The following INO80C variants were observed in gnomAD, a reference collection of about 807,000 sequenced individuals.
INO80C encodes INO80 complex subunit C.
Under a neutral mutation model 17.7 loss-of-function variants are expected in INO80C, and 17 were observed. That is an observed-to-expected ratio of 0.96 (90% confidence interval 0.66 to 1.44). INO80C has a LOEUF of 1.44. Ranked by LOEUF, INO80C falls within the 40% of genes most tolerant of loss-of-function variation. INO80C has a pLI of 0.00. For missense variants in INO80C, 244 were observed against 245.0 expected, an observed-to-expected ratio of 1.00 and a Z score of 0.03; for synonymous variants, 96 against 95.8, an observed-to-expected ratio of 1.00 and a Z score of -0.01.
rs772952892 is a variant in INO80C at position 35,468,700 on chromosome 18, T to A, written c.490A>T (p.Ile164Phe). The A allele has an allele frequency of 6.2e-7, 1 of 1,614,126 alleles. No individual in the cohort carries two copies. Among genetic ancestry groups the A allele is most frequent in the Non-Finnish European group, 8.5e-7 (1 of 1,180,000 alleles). Residue 164 changes from isoleucine (I) to phenylalanine (F), a missense_variant, in exon 5 of 5, where the codon ATT becomes TTT. Physicochemically the swap from Ile to Phe is conservative, Grantham distance 21. Transcript: ENST00000334598. ...CTCCGAATGTAGGAAAACTCTTCAA[T>A]GGTGCTGAACCGCAGTTTGCTCTGG... Reference protein sequence around the residue: ...DPQSKLRFSTIEEFSYIRRLP... With the variant: ...DPQSKLRFSTFEEFSYIRRLP...
rs751429076 is a variant in INO80C at position 35,497,713 on chromosome 18, G to A, written c.156+6C>T. 19 of 1,610,428 alleles carry A rather than the reference G, an allele frequency of 1.2e-5. No individual in the cohort carries two copies. In the Admixed American group the frequency reaches 3.2e-4, roughly 27 times the overall value. ...GCACGCGCAGCCTGGGAGCGCGACT[G>A]CGTACCTGCGCAAAGCTGGAAGCGG... On this transcript the variant is annotated splice_donor_region_variant and intron_variant, in intron 1 of 4. Transcript: ENST00000334598.
In INO80C at chr18:35,488,887, A is replaced by G. The variant is rs141302182; in HGVS notation, c.157-8324T>C. On this transcript the variant is annotated intron_variant, in intron 1 of 4. Transcript: ENST00000334598. ...GCTGCTTAGAAATTTCTTCTGCCAG[A>G]TACCCGAAATCATCTCCCTCAAGTT... Among the ~76,000 whole-genome samples, 1,165 of 152,284 alleles carry G rather than the reference A, an allele frequency of 7.7e-3. 8 individuals are homozygous for G. Among genetic ancestry groups the G allele is most frequent in the African/African-American group, 0.027 (1,129 of 41,538 alleles).
chr18:35,491,871 C>T (rs993814322), intron 1 of INO80C, among the ~76,000 whole-genome samples: 6 of 152,196 alleles, frequency 3.9e-5, no homozygotes, highest in African/African-American at 7.2e-5. Context: ...CACTAAGGGG[C>T]GCCCCCTCTT....
chr18:35,487,575 T>C (rs566073004), intron 1 of INO80C: 69 of 161,310 alleles, frequency 4.3e-4, no homozygotes, highest in Admixed American at 1.6e-3. Context: ...GATTCAATTA[T>C]ATCCCACCGG....
intron 4 of INO80C, among the ~76,000 whole-genome samples, chr18:35,471,980 A>AT (rs1304957179): frequency 1.4e-4 from 22 of 152,052 alleles, no homozygotes; most frequent in African/African-American, 5.3e-4. Context: ...TATGTGCCAC[A>AT]TTTTCTTAAT....
At chr18:35,488,802 C>G (rs2045904205) in intron 1 of INO80C, among the ~76,000 whole-genome samples, 1 of 152,190 alleles carries the variant, frequency 6.6e-6, no homozygotes, top group African/African-American at 2.4e-5. Context: ...CTTTTATGCT[C>G]TGTTTCCCTT....
rs570044184 is a variant in INO80C, at chr18:35,489,417, G to A, written c.156+8302C>T. ...TGGCAGCAGGCAAGAGAGAGAATGA[G>A]AACCAAGTGAAAGGGGTTTCCCATT... On this transcript the variant is annotated intron_variant, in intron 1 of 4. Coordinates refer to ENST00000334598, the MANE Select transcript of INO80C (RefSeq NM_194281.4). 6.0e-4 allele frequency: 124 copies of A among 205,830 alleles called. 2 individuals carry two copies. In the South Asian group the frequency reaches 6.4e-3, roughly 11 times the overall value. The allele number at this position is 205,830 out of a possible 1,614,324, so 12.8% of individuals were successfully genotyped here.
intron 4 of INO80C, among the ~76,000 whole-genome samples, chr18:35,474,680 C>G (rs2045713864): frequency 6.6e-6 from 1 of 152,064 alleles, no homozygotes; most frequent in African/African-American, 2.4e-5. Flanking sequence ...GAGCAAGACT[C>G]TATCTCTAAA....
chr18:35,489,832 G>A (rs2045916038), intron 1 of INO80C, among the ~76,000 whole-genome samples: 1 of 152,114 alleles, frequency 6.6e-6, no homozygotes, highest in Non-Finnish European at 1.5e-5. Context: ...CTCCTCTCCA[G>A]GGCCTCTGCA....
chr18:35,483,872 GC>G (rs1172540855), intron 1 of INO80C, among the ~76,000 whole-genome samples: 2 of 152,274 alleles, frequency 1.3e-5, no homozygotes, highest in East Asian at 3.9e-4. Flanking sequence ...TCTGAGTATA[GC>G]TTTTTGTAGA....
chr18:35,479,598 G>C (rs1432973341), intron 2 of INO80C, among the ~76,000 whole-genome samples, 187 bp from the exon 3 acceptor site: 1 of 151,874 alleles, frequency 6.6e-6, no homozygotes, highest in African/African-American at 2.4e-5. Flanking sequence ...GTTTAAAAAA[G>C]AAGTTTTCAG....
Position 35,478,279 on chromosome 18 carries a change from C to A in INO80C, c.447+3G>T. The A allele has an allele frequency of 1.3e-6, 2 of 1,589,964 alleles. No individual in the cohort carries two copies. The highest frequency in any genetic ancestry group is 1.7e-6 in the Non-Finnish European group (2 of 1,161,204). On this transcript the variant is annotated splice_donor_region_variant and intron_variant, in intron 4 of 4. Transcript: ENST00000334598. ...ATGTTATAAGAGATATAATCATACTCACAAGCAGACCTGAAACATCAGAAT... is the reference window on the plus strand; with the variant it reads ...ATGTTATAAGAGATATAATCATACTAACAAGCAGACCTGAAACATCAGAAT...
rs1209344278 is a variant in INO80C, at chr18:35,497,716, T to C, written c.156+3A>G. ...CGCGCAGCCTGGGAGCGCGACTGCG[T>C]ACCTGCGCAAAGCTGGAAGCGGACG... On this transcript the variant is annotated splice_donor_region_variant and intron_variant, in intron 1 of 4. Coordinates refer to ENST00000334598, the MANE Select transcript of INO80C (RefSeq NM_194281.4). The C allele has an allele frequency of 1.9e-6, 3 of 1,610,984 alleles. No homozygotes were observed. Among genetic ancestry groups the C allele is most frequent in the South Asian group, 2.2e-5 (2 of 90,924 alleles).
chr18:35,496,536 A>G lies in INO80C; in HGVS notation c.156+1183T>C, dbSNP rs1240032466. Among the ~76,000 whole-genome samples the G allele has an allele frequency of 3.3e-5, 5 of 152,192 alleles. No individual in the cohort carries two copies. In the East Asian group the frequency reaches 9.6e-4, roughly 29 times the overall value. On this transcript the variant is annotated intron_variant, in intron 1 of 4. Coordinates refer to ENST00000334598, the MANE Select transcript of INO80C (RefSeq NM_194281.4). ...GTGGCCATAGGTGTATACAAATGTA[A>G]AAGGGCACTGGATCTGTAGTTTTGT...
intron 4 of INO80C, among the ~76,000 whole-genome samples, chr18:35,474,700 A>G (rs772967980): frequency 2.6e-5 from 4 of 152,168 alleles, no homozygotes; most frequent in Non-Finnish European, 4.4e-5. Context: ...ATAAATAAAT[A>G]ATTTAAAAGA....
intron 1 of INO80C, among the ~76,000 whole-genome samples, chr18:35,484,977 G>A (rs2045855487): frequency 2.0e-5 from 3 of 152,104 alleles, no homozygotes; most frequent in Admixed American, 2.0e-4. Context: ...TCCAGTTCTG[G>A]AGGCTAGAAG....
intron 1 of INO80C, among the ~76,000 whole-genome samples, chr18:35,490,620 G>A (rs1598749659): frequency 6.6e-6 from 1 of 152,304 alleles, no homozygotes; most frequent in African/African-American, 2.4e-5. Flanking sequence ...AAGGGAAAAT[G>A]CAGTCCCCAA....
chr18:35,497,598 T>C (rs1411482339), intron 1 of INO80C, 121 bp downstream of exon 1: 4 of 1,439,762 alleles, frequency 2.8e-6, no homozygotes, highest in Admixed American at 2.9e-5. Flanking sequence ...GCAGCGTCTT[T>C]CAACCCCAAC....
intron 4 of INO80C, among the ~76,000 whole-genome samples, chr18:35,472,183 C>T (rs2045678796): frequency 6.6e-6 from 1 of 152,242 alleles, no homozygotes; most frequent in Non-Finnish European, 1.5e-5. Flanking sequence ...GCCACACTGT[C>T]TTCCACAGCA....
Sources: gnomAD v4.1 joint callset for allele counts (sites outside exome capture counted in the v4.1 genomes callset) on GRCh38, gnomAD v4.1.1 for gene constraint, MANE v1.5 for transcripts, NCBI Gene and HGNC (gene_info 2026-07-23, HGNC 2026-07-21) for gene names.